NPAS3: variants seen among roughly 807,000 people sequenced by gnomAD.
The protein encoded by NPAS3 is neuronal PAS domain-containing protein 3.
In NPAS3, 14 loss-of-function variants were observed where a neutral mutation model predicts 73.1. That is an observed-to-expected ratio of 0.19 (90% CI 0.13 to 0.30). NPAS3 has a LOEUF of 0.30. Among genes scored for constraint, NPAS3 ranks in the 10% least tolerant of loss-of-function variants. NPAS3 has a pLI of 1.00. For missense variants in NPAS3, 1,096 were observed against 1,250.0 expected, an observed-to-expected ratio of 0.88 and a Z score of 1.86; for synonymous variants, 620 against 541.5, an observed-to-expected ratio of 1.14 and a Z score of -2.01.
At chr14:33,027,345 G>A (rs1015579393) in intron 1 of NPAS3, among the ~76,000 whole-genome samples, 3 of 152,144 alleles carry the variant, frequency 2.0e-5, no homozygotes, top group Non-Finnish European at 2.9e-5. Flanking sequence ...GGAGGAATAC[G>A]AATCGTTGGA....
chr14:33,107,236 T>C (rs539590625), intron 2 of NPAS3, among the ~76,000 whole-genome samples: 36 of 151,954 alleles, frequency 2.4e-4, no homozygotes, highest in Non-Finnish European at 2.6e-4. Flanking sequence ...TAAAAAAATA[T>C]ATTTTCTTTT....
chr14:33,637,440 A>T (rs996061083), intron 5 of NPAS3, among the ~76,000 whole-genome samples: 3 of 152,172 alleles, frequency 2.0e-5, no homozygotes, highest in African/African-American at 4.8e-5. Flanking sequence ...TCTCCCTATG[A>T]TGTTGAACAG....
chr14:32,938,486 TGAGAGAGAGA>T (rs369330767), upstream of NPAS3, among the ~76,000 whole-genome samples: 34 of 55,934 alleles, frequency 6.1e-4, no homozygotes, highest in East Asian at 8.3e-3. Flanking sequence ...AGAGAGAAAT[TGAGAGAGAGA>T]GAGAGAGAGA....
chr14:33,464,898 C>A (rs1158796675), intron 4 of NPAS3, among the ~76,000 whole-genome samples: 1 of 152,140 alleles, frequency 6.6e-6, no homozygotes, highest in Admixed American at 6.5e-5. Context: ...ACCCAAGGGG[C>A]CTGGCACACA....
At chr14:33,357,826 G>T (rs1184328799) in intron 3 of NPAS3, among the ~76,000 whole-genome samples, 1 of 152,088 alleles carries the variant, frequency 6.6e-6, no homozygotes, top group African/African-American at 2.4e-5. Flanking sequence ...ATCAGGGCGG[G>T]ACATGTCACA....
chr14:33,635,957 T>G (rs534625047), intron 5 of NPAS3, among the ~76,000 whole-genome samples: 75 of 152,364 alleles, frequency 4.9e-4, no homozygotes, highest in African/African-American at 1.8e-3. Flanking sequence ...CTAACTTTTT[T>G]TTTTAAGACG....
At chr14:33,121,714 A>G (rs140850475) in intron 2 of NPAS3, among the ~76,000 whole-genome samples, 1 of 152,298 alleles carries the variant, frequency 6.6e-6, no homozygotes, top group African/African-American at 2.4e-5. Flanking sequence ...AATAGAAAGT[A>G]TAATTGAAAG....
intron 3 of NPAS3, among the ~76,000 whole-genome samples, chr14:33,247,634 T>C (rs2048438811): frequency 6.6e-6 from 1 of 152,226 alleles, no homozygotes; most frequent in Non-Finnish European, 1.5e-5. Flanking sequence ...CACACTTTAT[T>C]GTGTATTTGT....
In NPAS3 at chr14:33,202,707, CTT is replaced by C. The variant is rs34502647; in HGVS notation, c.141-12464_141-12463del. 2.4e-3 allele frequency among the ~76,000 whole-genome samples: 348 copies of C among 146,404 alleles called. 4 individuals carry two copies. The highest frequency in any genetic ancestry group is 7.6e-3 in the Admixed American group (113 of 14,852). Reference sequence around the variant, plus strand: ...AACAATTTTAAGCAAATATTCATGTCTTTTTTTTTTTTGAAAAATAAACCCAC... The same window carrying C: ...AACAATTTTAAGCAAATATTCATGTCTTTTTTTTTTGAAAAATAAACCCAC... On this transcript the variant is annotated intron_variant, in intron 2 of 11. Coordinates refer to ENST00000356141, the Ensembl canonical transcript of NPAS3.
chr14:33,012,082 C>T (rs1232977624), intron 1 of NPAS3, among the ~76,000 whole-genome samples: 7 of 41,796 alleles, frequency 1.7e-4, no homozygotes, highest in Non-Finnish European at 4.1e-4. Context: ...GGGGCTGTGC[C>T]TGCCTTCCCT....
chr14:33,128,812 C>T (rs1454656897), intron 2 of NPAS3, among the ~76,000 whole-genome samples: 2 of 152,100 alleles, frequency 1.3e-5, no homozygotes, highest in African/African-American at 2.4e-5. Context: ...TACTTTTACA[C>T]ATAATGCCCT....
In NPAS3 at chr14:33,380,508, C is replaced by T. The variant is rs558591006; in HGVS notation, c.468+13240C>T. Among the ~76,000 whole-genome samples, 5 of 152,270 alleles carry T rather than the reference C, an allele frequency of 3.3e-5. No individual in the cohort carries two copies. In the East Asian group the frequency reaches 9.7e-4, roughly 29 times the overall value. The stretch of plus-strand genomic sequence containing the variant: ...CTGTTTTTTAATTCCTTGTGAATAT[C>T]ACTTCTCAGACATTTGCCAGTTTGG... On this transcript the variant is annotated intron_variant, in intron 4 of 11. Coordinates refer to ENST00000356141, the Ensembl canonical transcript of NPAS3.
At chr14:32,958,685 G>A (rs10129643) in intron 1 of NPAS3, among the ~76,000 whole-genome samples, 42,508 of 152,004 alleles carry the variant, frequency 0.28, 6,249 homozygotes, top group African/African-American at 0.33. Flanking sequence ...ATTGTCCATG[G>A]CCATTCATAC....
intron 4 of NPAS3, among the ~76,000 whole-genome samples, chr14:33,430,884 T>C (rs939249570): frequency 3.9e-5 from 6 of 152,224 alleles, no homozygotes; most frequent in Non-Finnish European, 7.3e-5. Flanking sequence ...AGCAGTCAGA[T>C]GCAACTGTCT....
intron 5 of NPAS3, among the ~76,000 whole-genome samples, chr14:33,563,455 T>C (rs1037172718): frequency 6.6e-6 from 1 of 151,102 alleles, no homozygotes; most frequent in Non-Finnish European, 1.5e-5. Flanking sequence ...TGGGAATGAG[T>C]GAATGATGAT....
At chr14:32,985,674 C>A (rs1380138880) in intron 1 of NPAS3, among the ~76,000 whole-genome samples, 1 of 151,844 alleles carries the variant, frequency 6.6e-6, no homozygotes, top group African/African-American at 2.4e-5. Context: ...AAAGATACAC[C>A]ATGGAAGGGA....
chr14:33,323,844 C>T (rs1261252044), intron 3 of NPAS3, among the ~76,000 whole-genome samples: 2 of 152,226 alleles, frequency 1.3e-5, no homozygotes, highest in African/African-American at 4.8e-5. Flanking sequence ...ATTATTCTGC[C>T]TCTTTCACTT....
At chr14:33,136,058 C>CTT (rs34308954) in intron 2 of NPAS3, among the ~76,000 whole-genome samples, 43 of 115,430 alleles carry the variant, frequency 3.7e-4, no homozygotes, top group South Asian at 8.3e-4. Flanking sequence ...TACCTTTTTT[C>CTT]TTTTTTTTTT....
At chr14:33,713,555 T>C (rs935194873) in intron 6 of NPAS3, among the ~76,000 whole-genome samples, 3 of 152,264 alleles carry the variant, frequency 2.0e-5, no homozygotes, top group Non-Finnish European at 4.4e-5. Context: ...GACATCTCTC[T>C]TCCTCTGACA....
Sources: allele counts gnomAD v4.1 joint callset (sites outside exome capture counted in the v4.1 genomes callset), GRCh38; gene constraint gnomAD v4.1.1; transcripts MANE v1.5; gene names NCBI Gene and HGNC (gene_info 2026-07-23, HGNC 2026-07-21).